CCDC7: variants seen among roughly 807,000 people sequenced by gnomAD.
CCDC7 encodes coiled-coil domain containing 7.
CCDC7 carries 183 observed loss-of-function variants against 196.9 expected under a neutral mutation model. The observed-to-expected ratio is 0.93, with a 90% confidence interval of 0.82 to 1.05. The LOEUF is 1.05. Ranked by LOEUF, CCDC7 falls within the 50% of genes least tolerant of loss-of-function variation. The pLI is 0.00. For synonymous variants in CCDC7, 525 were observed against 484.6 expected (o/e 1.08, Z -1.10); for missense variants, 1,540 against 1,482.2 (o/e 1.04, Z -0.64).
intron 28 of CCDC7, among the ~76,000 whole-genome samples, chr10:32,754,299 G>A (rs546844427): frequency 6.6e-6 from 1 of 152,224 alleles, no homozygotes; most frequent in East Asian, 1.9e-4. Context: ...AGTGAAAAGA[G>A]CACAAAAATA....
intron 20 of CCDC7, among the ~76,000 whole-genome samples, chr10:32,641,136 T>C (rs1280704314): frequency 6.6e-6 from 1 of 152,128 alleles, no homozygotes; most frequent in Non-Finnish European, 1.5e-5. Flanking sequence ...TGTCTTGGAG[T>C]TGCTGTTCTC....
chr10:32,474,110 G>A (rs2133965375), intron 8 of CCDC7, 87 bp downstream of exon 9: 2 of 1,352,600 alleles, frequency 1.5e-6, no homozygotes, highest in Non-Finnish European at 2.0e-6. Flanking sequence ...GGTTAACAGT[G>A]CAGACTCCTT....
intron 2 of CCDC7, among the ~76,000 whole-genome samples, chr10:32,454,826 C>G (rs1326341789): frequency 6.6e-6 from 1 of 152,138 alleles, no homozygotes; most frequent in East Asian, 1.9e-4. Flanking sequence ...CCACCACCTC[C>G]TGTCTTTCCC....
chr10:32,675,137 A>G (rs994468036), intron 21 of CCDC7, among the ~76,000 whole-genome samples: 14 of 151,980 alleles, frequency 9.2e-5, no homozygotes, highest in African/African-American at 2.9e-4. Flanking sequence ...TTGCAATTAT[A>G]TTGTTTTCTC....
chr10:32,451,826 A>G (rs955825496), exon 1 of CCDC7: 4 of 1,614,236 alleles, frequency 2.5e-6, no homozygotes, highest in Non-Finnish European at 3.4e-6. Context: ...AGGAGAATCC[A>G]TTTTACGGTA....
intron 18 of CCDC7, among the ~76,000 whole-genome samples, chr10:32,604,915 T>C (rs1564804107): frequency 6.6e-6 from 1 of 152,180 alleles, no homozygotes. Context: ...TGCCTTTTAT[T>C]TCTTTCTCTT....
intron 18 of CCDC7, among the ~76,000 whole-genome samples, chr10:32,626,963 A>G (rs2064132611): frequency 6.6e-6 from 1 of 150,846 alleles, no homozygotes; most frequent in Admixed American, 6.6e-5. Context: ...GTTTTGTAGT[A>G]TAGTTTGAAA....
intron 18 of CCDC7, among the ~76,000 whole-genome samples, chr10:32,626,876 A>G (rs2139333192): frequency 6.6e-6 from 1 of 151,956 alleles, no homozygotes; most frequent in Non-Finnish European, 1.5e-5. Context: ...CTGGGTTCAT[A>G]TCTGCATTTT....
intron 11 of CCDC7, among the ~76,000 whole-genome samples, chr10:32,520,117 G>T (rs544768135): frequency 6.6e-6 from 1 of 151,904 alleles, no homozygotes; most frequent in Non-Finnish European, 1.5e-5. Context: ...CCAGTCATAC[G>T]CTGATGGACA....
chr10:32,556,961 T>G (rs2054458398), intron 13 of CCDC7, among the ~76,000 whole-genome samples: 1 of 152,230 alleles, frequency 6.6e-6, no homozygotes, highest in African/African-American at 2.4e-5. Flanking sequence ...ATGGACATGT[T>G]TCCTCAGCAG....
At chr10:32,675,739 A>T (rs533479168) in intron 21 of CCDC7, 23 of 152,482 alleles carry the variant, frequency 1.5e-4, no homozygotes, top group Admixed American at 5.9e-4. Flanking sequence ...AAAAGAGGAT[A>T]CAAAGAAATG....
chr10:32,709,680 T>G (rs2080480326), intron 24 of CCDC7, among the ~76,000 whole-genome samples: 1 of 152,062 alleles, frequency 6.6e-6, no homozygotes, highest in African/African-American at 2.4e-5. Context: ...CCTACTGCTG[T>G]GTGACCCGGT....
chr10:32,707,086 A>T (rs899596758), intron 24 of CCDC7, among the ~76,000 whole-genome samples: 1 of 152,184 alleles, frequency 6.6e-6, no homozygotes, highest in Non-Finnish European at 1.5e-5. Context: ...ATACTAGCAA[A>T]CAGAATCCAG....
At chr10:32,603,649 G>A (rs550540625) in intron 18 of CCDC7, among the ~76,000 whole-genome samples, 5 of 147,922 alleles carry the variant, frequency 3.4e-5, no homozygotes, top group African/African-American at 9.9e-5. Context: ...ATAAGCATTC[G>A]ATCTAGAATA....
intron 18 of CCDC7, among the ~76,000 whole-genome samples, chr10:32,608,626 C>T (rs142283573): frequency 0.015 from 2,320 of 152,180 alleles, 20 homozygotes; most frequent in Middle Eastern, 0.034. Flanking sequence ...CTGCACCCTC[C>T]GCCTCCCAGG....
intron 41 of CCDC7, among the ~76,000 whole-genome samples, chr10:32,875,667 G>A (rs139768703): frequency 1.9e-3 from 284 of 151,918 alleles, no homozygotes; most frequent in Non-Finnish European, 2.6e-3. Context: ...GTTGTTTCCC[G>A]TTTTTTCTAT....
intron 22 of CCDC7, among the ~76,000 whole-genome samples, chr10:32,687,785 G>A (rs763557612): frequency 6.6e-5 from 10 of 152,142 alleles, no homozygotes; most frequent in African/African-American, 1.2e-4. Flanking sequence ...CACAGACCAT[G>A]TTCTCTGATT....
chr10:32,834,460 T>C (rs1284761855), intron 32 of CCDC7, among the ~76,000 whole-genome samples: 1 of 152,056 alleles, frequency 6.6e-6, no homozygotes, highest in Non-Finnish European at 1.5e-5. Context: ...TCATAAACTC[T>C]CTAGGATAAT....
At chr10:32,506,487 G>A (rs1030739037) in intron 9 of CCDC7, among the ~76,000 whole-genome samples, 12 of 152,346 alleles carry the variant, frequency 7.9e-5, no homozygotes, top group Non-Finnish European at 1.5e-4. Flanking sequence ...TAGCACTTTG[G>A]GAGGCCAAGG....
Sources: gnomAD v4.1 joint callset for allele counts (sites outside exome capture counted in the v4.1 genomes callset) on GRCh38, gnomAD v4.1.1 for gene constraint, MANE v1.5 for transcripts, NCBI Gene and HGNC (gene_info 2026-07-23, HGNC 2026-07-21) for gene names.